APBB1IP: variants seen among roughly 807,000 people sequenced by gnomAD.
APBB1IP encodes amyloid beta A4 precursor protein-binding family B member 1-interacting protein.
Under a neutral mutation model 64.9 loss-of-function variants are expected in APBB1IP, and 27 were observed. The observed-to-expected ratio is 0.42, with a 90% CI of 0.31 to 0.57. APBB1IP has a LOEUF of 0.57. APBB1IP is among the 20% of genes least tolerant of loss of function. The probability of loss-of-function intolerance (pLI) is 0.20; values close to 1 mark genes in which losing one functional copy is unlikely to be tolerated. For synonymous variants in APBB1IP, 392 were observed against 331.0 expected (o/e 1.18, Z -2.00); for missense variants, 812 against 845.5 (o/e 0.96, Z 0.49).
chr10:26,554,725 G>C (rs951822029), intron 11 of APBB1IP, among the ~76,000 whole-genome samples: 1 of 152,086 alleles, frequency 6.6e-6, no homozygotes, highest in Non-Finnish European at 1.5e-5. Flanking sequence ...GGGACTACAG[G>C]TGCACACCAC....
intron 12 of APBB1IP, 76 bp from the exon 13 acceptor site, chr10:26,560,654 A>G (rs946223430): frequency 3.0e-6 from 3 of 987,098 alleles, no homozygotes; most frequent in Middle Eastern, 2.2e-4. Context: ...TTTCTTCTGT[A>G]TATGTATATT....
At chr10:26,519,421 A>G (rs1836374740) in intron 8 of APBB1IP, among the ~76,000 whole-genome samples, 1 of 152,142 alleles carries the variant, frequency 6.6e-6, no homozygotes, top group Non-Finnish European at 1.5e-5. Context: ...GGGGAAGGAG[A>G]GTGAGCACCT....
chr10:26,456,737 TAAAA>T (rs9299824), intron 2 of APBB1IP, among the ~76,000 whole-genome samples: 2 of 90,704 alleles, frequency 2.2e-5, no homozygotes, highest in Admixed American at 1.5e-4. Flanking sequence ...AGAACCTGTC[TAAAA>T]AAAAAAAAAA....
At position 26,560,173 on chromosome 10, in the gene APBB1IP, C is replaced by T; in HGVS notation, c.1224C>T (p.Asn408=). 2 of 1,614,074 alleles carry T rather than the reference C, an allele frequency of 1.2e-6. No homozygotes were observed. The highest frequency in any genetic ancestry group is 2.2e-5 in the South Asian group (2 of 91,062). ...YLCCDDTRTL[N]QWVMGIRIAK... Reference sequence around the variant, plus strand: ...GCTGTGATGACACAAGAACCCTTAACCAGTGGGTCATGGGAATACGGATAG... The same window carrying T: ...GCTGTGATGACACAAGAACCCTTAATCAGTGGGTCATGGGAATACGGATAG... Residue 408 remains asparagine, a synonymous_variant, in exon 12 of 15, where the codon AAC becomes AAT. Transcript: ENST00000376236.
intron 2 of APBB1IP, among the ~76,000 whole-genome samples, chr10:26,490,826 T>A (rs1835946164): frequency 6.6e-6 from 1 of 152,178 alleles, no homozygotes; most frequent in Non-Finnish European, 1.5e-5. Context: ...TATTTTTAAT[T>A]TCCATATAAA....
intron 2 of APBB1IP, among the ~76,000 whole-genome samples, chr10:26,486,341 G>C (rs892204842): frequency 2.0e-5 from 3 of 152,104 alleles, no homozygotes; most frequent in Non-Finnish European, 4.4e-5. Context: ...GCTTGATAGA[G>C]AGAATGAAGG....
At chr10:26,521,498 A>G (rs1251499442) in intron 8 of APBB1IP, among the ~76,000 whole-genome samples, 1 of 151,978 alleles carries the variant, frequency 6.6e-6, no homozygotes, top group Non-Finnish European at 1.5e-5. Context: ...TTGGGTCTCC[A>G]TCTCTCTTTG....
intron 11 of APBB1IP, among the ~76,000 whole-genome samples, chr10:26,558,907 C>G: frequency 6.6e-6 from 1 of 152,294 alleles, no homozygotes; most frequent in East Asian, 1.9e-4. Flanking sequence ...GTTCAGCAAC[C>G]GGAACCATTG....
At chr10:26,447,405 T>G (rs908110209) in intron 2 of APBB1IP, among the ~76,000 whole-genome samples, 3 of 149,042 alleles carry the variant, frequency 2.0e-5, no homozygotes, top group African/African-American at 7.4e-5. Flanking sequence ...AAGAAATGCC[T>G]TTCTATACCT....
rs536455215 is a variant in APBB1IP, at chr10:26,493,905, C to T, written c.72+1507C>T. On this transcript the variant is annotated intron_variant, in intron 3 of 14. Transcript: ENST00000376236. Reference sequence around the variant, plus strand: ...AGGCTGGAGTGCAGTGGCACAATCACGGTTCACTGCAGCCTCAACCTCTTG... The same window carrying T: ...AGGCTGGAGTGCAGTGGCACAATCATGGTTCACTGCAGCCTCAACCTCTTG... Among the ~76,000 whole-genome samples the T allele has an allele frequency of 1.6e-4, 25 of 152,232 alleles. No individual in the cohort carries two copies. In the South Asian group the frequency reaches 2.1e-3, roughly 13 times the overall value.
chr10:26,545,000 G>GT (rs1164097245), intron 11 of APBB1IP, among the ~76,000 whole-genome samples: 1 of 152,188 alleles, frequency 6.6e-6, no homozygotes, highest in Non-Finnish European at 1.5e-5. Flanking sequence ...TGCAGAATGT[G>GT]TATTTCCTTT....
intron 11 of APBB1IP, among the ~76,000 whole-genome samples, chr10:26,550,919 A>G (rs1314870399): frequency 6.6e-6 from 1 of 152,158 alleles, no homozygotes; most frequent in Non-Finnish European, 1.5e-5. Context: ...TTTGTATGTC[A>G]TTTCAGCACT....
intron 8 of APBB1IP, among the ~76,000 whole-genome samples, chr10:26,514,839 C>T (rs1036909097): frequency 1.5e-4 from 23 of 152,014 alleles, no homozygotes; most frequent in African/African-American, 5.5e-4. Flanking sequence ...TTTTTCGCCC[C>T]TAACTACCTT....
At position 26,518,441 on chromosome 10, in the gene APBB1IP, T is replaced by C. The variant is rs141199240; in HGVS notation, c.813+4781T>C. ...TTTGGTATTTTTAGTAGAGACGGGG[T>C]TTCACCATGTTGGCCAGGCTGGTAA... On this transcript the variant is annotated intron_variant, in intron 8 of 14. Coordinates refer to ENST00000376236, the MANE Select transcript of APBB1IP (RefSeq NM_019043.4). Among the ~76,000 whole-genome samples the C allele has an allele frequency of 6.0e-3, 918 of 152,136 alleles. 8 individuals are homozygous for C. The highest frequency in any genetic ancestry group is 0.021 in the African/African-American group (871 of 41,508).
intron 8 of APBB1IP, among the ~76,000 whole-genome samples, chr10:26,527,650 G>C (rs1279127265): frequency 2.0e-5 from 3 of 147,248 alleles, no homozygotes; most frequent in African/African-American, 7.5e-5. Context: ...TAGCTCCAGA[G>C]TATGACTTAG....
At chr10:26,556,160 T>C (rs1836892277) in intron 11 of APBB1IP, among the ~76,000 whole-genome samples, 1 of 152,186 alleles carries the variant, frequency 6.6e-6, no homozygotes, top group Admixed American at 6.5e-5. Context: ...TCGGGAACAA[T>C]CAAATCAATT....
intron 2 of APBB1IP, among the ~76,000 whole-genome samples, chr10:26,489,881 C>T (rs924344912): frequency 6.6e-6 from 1 of 152,156 alleles, no homozygotes; most frequent in African/African-American, 2.4e-5. Flanking sequence ...GAAAATTAGC[C>T]AGGCATAGTG....
chr10:26,567,295 C>CGCA lies in APBB1IP; in HGVS notation c.1810_1811insAGC (p.Pro603_Pro604insGln), dbSNP rs1464825748. On this transcript the variant is annotated inframe_insertion, in exon 15 of 15. Coordinates refer to ENST00000376236, the MANE Select transcript of APBB1IP (RefSeq NM_019043.4). ...GGCTCAGAGCTGCCCCCGCCGCCGC[C>CGCA]GCCGCCGCCCGCGCCCGCGCCCGCC... is the stretch of plus-strand genomic sequence containing the variant. The CGCA allele has an allele frequency of 9.2e-6, 10 of 1,083,244 alleles. No individual in the cohort carries two copies. Among genetic ancestry groups the CGCA allele is most frequent in the Non-Finnish European group, 1.1e-5 (10 of 888,660 alleles). The allele number at this position is 1,083,244 out of a possible 1,614,324, so 67.1% of individuals were successfully genotyped here. A position where few individuals can be genotyped will look rare whatever the true frequency, so the allele number is the denominator to read the frequency against.
chr10:26,476,346 C>A (rs1428409595), intron 2 of APBB1IP, among the ~76,000 whole-genome samples: 1 of 146,556 alleles, frequency 6.8e-6, no homozygotes, highest in African/African-American at 2.5e-5. Flanking sequence ...ACTTGGGAGG[C>A]TGAAGCAGGA....
Sources: gnomAD v4.1 joint callset for allele counts (sites outside exome capture counted in the v4.1 genomes callset) on GRCh38, gnomAD v4.1.1 for gene constraint, MANE v1.5 for transcripts, NCBI Gene and HGNC (gene_info 2026-07-23, HGNC 2026-07-21) for gene names.